Variants in SLC35F1 observed in about 807,000 individuals in gnomAD.
The protein encoded by SLC35F1 is solute carrier family 35 member F1, also known as chromosome 6 open reading frame 169.
SLC35F1 carries 14 observed loss-of-function variants against 48.7 expected under a neutral mutation model. The observed-to-expected ratio is 0.29, with a 90% CI of 0.19 to 0.45. SLC35F1 has a LOEUF of 0.45. SLC35F1 is among the 20% of genes least tolerant of loss of function. The pLI is 1.00. For synonymous variants in SLC35F1, 190 were observed against 202.2 expected (o/e 0.94, Z 0.51); for missense variants, 404 against 500.0 (o/e 0.81, Z 1.83).
At chr6:118,132,669 A>T (rs149319342) in intron 1 of SLC35F1, among the ~76,000 whole-genome samples, 114 of 152,318 alleles carry the variant, frequency 7.5e-4, no homozygotes, top group African/African-American at 2.7e-3. Flanking sequence ...TTCAGTAGAG[A>T]CATTTTATTC....
At chr6:118,094,783 C>A (rs935824994) in intron 1 of SLC35F1, among the ~76,000 whole-genome samples, 1 of 152,024 alleles carries the variant, frequency 6.6e-6, no homozygotes, top group South Asian at 2.1e-4. Flanking sequence ...GCCTGGCCAA[C>A]ATGGTGAAAC....
chr6:118,058,893 A>C (rs967080279), intron 1 of SLC35F1, among the ~76,000 whole-genome samples: 1 of 152,210 alleles, frequency 6.6e-6, no homozygotes, highest in African/African-American at 2.4e-5. Context: ...CCTTTTCAAG[A>C]TATAACAAAA....
rs1776430354 is a variant in SLC35F1 at position 118,315,807 on chromosome 6, A to T, written c.*1555A>T. 6.6e-6 allele frequency: 1 copy of T among 152,192 alleles called. No homozygotes were observed. The highest frequency in any genetic ancestry group is 1.5e-5 in the Non-Finnish European group (1 of 68,020). The allele number at this position is 152,192 out of a possible 1,614,324, so 9.4% of individuals were successfully genotyped here. ...ATAAGACCTTGAGTGATATGTCACT[A>T]GTCTAATCTGTTGCCCTTAAAATAG... On this transcript the variant is annotated 3_prime_UTR_variant, in exon 8 of 8. Transcript: ENST00000360388.
chr6:118,043,352 T>TAAAA (rs375768632), intron 1 of SLC35F1, among the ~76,000 whole-genome samples: 1 of 152,072 alleles, frequency 6.6e-6, no homozygotes, highest in Admixed American at 6.6e-5. Flanking sequence ...ATTCTGGAGT[T>TAAAA]AGAATGTCTT....
intron 2 of SLC35F1, among the ~76,000 whole-genome samples, chr6:118,232,605 A>C (rs1341640287): frequency 6.6e-6 from 1 of 150,812 alleles, no homozygotes; most frequent in Non-Finnish European, 1.5e-5. Flanking sequence ...AACCTAGCCC[A>C]GTCTAGGGTA....
chr6:118,232,414 G>A (rs1775303168), intron 2 of SLC35F1, among the ~76,000 whole-genome samples: 1 of 151,932 alleles, frequency 6.6e-6, no homozygotes, highest in Non-Finnish European at 1.5e-5. Context: ...TGGGCGTGGT[G>A]GTGCATGCCT....
intron 1 of SLC35F1, among the ~76,000 whole-genome samples, chr6:117,941,938 A>G (rs1412455085): frequency 6.6e-6 from 1 of 152,220 alleles, no homozygotes; most frequent in Non-Finnish European, 1.5e-5. Flanking sequence ...TCTTCATTGT[A>G]TCATCATTAG....
intron 1 of SLC35F1, among the ~76,000 whole-genome samples, chr6:118,034,263 C>T (rs111791852): frequency 0.014 from 2,200 of 151,994 alleles, 61 homozygotes; most frequent in African/African-American, 0.05. Context: ...TCAGGCAACA[C>T]AAAAACAGGC....
At chr6:118,162,288 A>T (rs1240796571) in intron 2 of SLC35F1, among the ~76,000 whole-genome samples, 1 of 152,240 alleles carries the variant, frequency 6.6e-6, no homozygotes, top group East Asian at 1.9e-4. Flanking sequence ...ATATAATTAC[A>T]TAGTGCATAG....
chr6:118,256,935 T>G (rs1008689636), intron 3 of SLC35F1, among the ~76,000 whole-genome samples: 6 of 152,186 alleles, frequency 3.9e-5, no homozygotes, highest in African/African-American at 1.4e-4. Flanking sequence ...TTGTTAACAT[T>G]TTATTCTTAT....
intron 1 of SLC35F1, among the ~76,000 whole-genome samples, chr6:117,959,598 C>T (rs998554504): frequency 1.3e-5 from 2 of 152,100 alleles, no homozygotes; most frequent in Admixed American, 1.3e-4. Context: ...TATATTTGTA[C>T]ATAATACATA....
chr6:118,004,160 A>T (rs1394070389), intron 1 of SLC35F1, among the ~76,000 whole-genome samples: 1 of 152,190 alleles, frequency 6.6e-6, no homozygotes, highest in Non-Finnish European at 1.5e-5. Flanking sequence ...AATTTGTTAA[A>T]TTTTTACTAA....
At chr6:118,073,182 G>T (rs561866149) in intron 1 of SLC35F1, among the ~76,000 whole-genome samples, 1 of 152,158 alleles carries the variant, frequency 6.6e-6, no homozygotes, top group Non-Finnish European at 1.5e-5. Flanking sequence ...CTGTGAAAGA[G>T]TCAAATCCTT....
intron 2 of SLC35F1, among the ~76,000 whole-genome samples, chr6:118,222,511 A>C (rs1775164899): frequency 6.6e-6 from 1 of 152,056 alleles, no homozygotes; most frequent in Non-Finnish European, 1.5e-5. Flanking sequence ...ATTGGGGGGT[A>C]TAAAAATATT....
intron 4 of SLC35F1, among the ~76,000 whole-genome samples, chr6:118,268,520 T>C (rs1286742732): frequency 1.3e-5 from 2 of 150,690 alleles, no homozygotes; most frequent in East Asian, 1.9e-4. Flanking sequence ...ATAATCTTTT[T>C]GGACCAATCA....
chr6:118,040,795 A>C (rs77916739), intron 1 of SLC35F1, among the ~76,000 whole-genome samples: 1 of 42,728 alleles, frequency 2.3e-5, no homozygotes, highest in Non-Finnish European at 8.1e-5. Flanking sequence ...TTTTCCCATA[A>C]GTATATGTCC....
intron 3 of SLC35F1, among the ~76,000 whole-genome samples, chr6:118,244,486 T>G (rs1449834185): frequency 1.3e-5 from 2 of 152,250 alleles, no homozygotes; most frequent in Admixed American, 1.3e-4. Flanking sequence ...AAGGGGTGAC[T>G]TATGCAGAAA....
rs534989570 is a variant in SLC35F1, at chr6:118,156,255, C to T, written c.349+1635C>T. Among the ~76,000 whole-genome samples, 22 of 151,774 alleles carry T rather than the reference C, an allele frequency of 1.4e-4. No individual in the cohort carries two copies. In the South Asian group the frequency reaches 3.9e-3, roughly 27 times the overall value. ...GTCAAAAAAAAAAAGCATGAAACTG[C>T]GTAAAATATTTGAAGAAATTTATTC... On this transcript the variant is annotated intron_variant, in intron 2 of 7. Transcript: ENST00000360388.
At chr6:117,989,440 G>A (rs1422828670) in intron 1 of SLC35F1, among the ~76,000 whole-genome samples, 1 of 152,160 alleles carries the variant, frequency 6.6e-6, no homozygotes, top group Non-Finnish European at 1.5e-5. Context: ...TGGGAGAAAA[G>A]ACCTCCTACT....
Sources: gnomAD v4.1 joint callset for allele counts (sites outside exome capture counted in the v4.1 genomes callset) on GRCh38, gnomAD v4.1.1 for gene constraint, MANE v1.5 for transcripts, NCBI Gene and HGNC (gene_info 2026-07-23, HGNC 2026-07-21) for gene names.